SUCO: variants seen among roughly 807,000 people sequenced by gnomAD.
SUCO encodes SUN domain containing ossification factor, also known as SUN domain-containing ossification factor.
A neutral mutation model predicts 148.1 loss-of-function variants in SUCO; 57 were observed. The observed-to-expected ratio is 0.38, with a 90% CI of 0.31 to 0.48. SUCO has a LOEUF of 0.48. Among genes scored for constraint, SUCO ranks in the 20% least tolerant of loss-of-function variants. The pLI is 0.96. For missense variants in SUCO, 1,331 were observed against 1,468.2 expected (o/e 0.91, Z 1.53); for synonymous variants, 470 against 502.7 (o/e 0.93, Z 0.87).
At chr1:172,546,470 A>T (rs1019098588) in intron 1 of SUCO, among the ~76,000 whole-genome samples, 1 of 152,218 alleles carries the variant, frequency 6.6e-6, no homozygotes, top group Admixed American at 6.5e-5. Context: ...CTGATTAACT[A>T]CTTCATGATT....
intron 23 of SUCO, 26 bp from the exon 24 acceptor site, chr1:172,609,790 T>A (rs749778432): frequency 5.7e-6 from 9 of 1,571,928 alleles, no homozygotes; most frequent in Non-Finnish European, 7.7e-6. Flanking sequence ...GTATCATTAC[T>A]AACTTTTCTT....
chr1:172,610,389 C>T lies in SUCO; in HGVS notation c.*130C>T. ...AGGCATTCAGAAATTATGGTTTCTA[C>T]CTTTTTAAAAAGTAGATGGGATTGT... On this transcript the variant is annotated 3_prime_UTR_variant, in exon 24 of 24. Coordinates refer to ENST00000263688, the MANE Select transcript of SUCO (RefSeq NM_014283.5). The T allele has an allele frequency of 7.3e-7, 1 of 1,375,010 alleles. No homozygotes were observed. Among genetic ancestry groups the T allele is most frequent in the Non-Finnish European group, 9.5e-7 (1 of 1,050,426 alleles). The allele number at this position is 1,375,010 out of a possible 1,614,324, so 85.2% of individuals were successfully genotyped here. A position where few individuals can be genotyped will look rare whatever the true frequency, so the allele number is the denominator to read the frequency against.
At chr1:172,549,757 G>A (rs551176713) in intron 1 of SUCO, among the ~76,000 whole-genome samples, 3 of 151,824 alleles carry the variant, frequency 2.0e-5, no homozygotes, top group South Asian at 2.1e-4. Context: ...AATACTTAAC[G>A]ATTATTTTTT....
chr1:172,569,929 A>C (rs942834813), intron 7 of SUCO, 118 bp from the exon 8 acceptor site: 2 of 989,066 alleles, frequency 2.0e-6, no homozygotes, highest in Non-Finnish European at 2.6e-6. Flanking sequence ...TCAAGTGTTA[A>C]AACCTATTCT....
At chr1:172,551,893 T>G (rs1558176751) in intron 2 of SUCO, 1 of 240,232 alleles carries the variant, frequency 4.2e-6, no homozygotes, top group African/African-American at 2.3e-5. Flanking sequence ...TGAAAATGAG[T>G]GATTTGTTTT....
At chr1:172,535,755 C>G (rs1049460918) in intron 1 of SUCO, among the ~76,000 whole-genome samples, 2 of 152,130 alleles carry the variant, frequency 1.3e-5, no homozygotes, top group Non-Finnish European at 2.9e-5. Flanking sequence ...TGCTGTATGT[C>G]TGTTCTACAG....
rs777803148 is a variant in SUCO, at chr1:172,585,079, G to A, written c.1560G>A (p.Leu520=). ...ANILGAKTED[L]TEGNKSISEN... ...TTCTGGGAGCAAAAACTGAAGACCT[G>A]ACAGAAGGTACCTAATCATTTTATG... The change falls in exon 16 of 24, where the codon CTG becomes CTA. Residue 520 remains leucine (L), a synonymous_variant. Coordinates refer to ENST00000263688, the MANE Select transcript of SUCO (RefSeq NM_014283.5). 6.2e-7 allele frequency: 1 copy of A among 1,603,260 alleles called. No individual in the cohort carries two copies. Among genetic ancestry groups the A allele is most frequent in the Non-Finnish European group, 8.5e-7 (1 of 1,173,624 alleles).
intron 6 of SUCO, among the ~76,000 whole-genome samples, chr1:172,565,148 A>G (rs1339374692): frequency 6.6e-6 from 1 of 152,188 alleles, no homozygotes; most frequent in African/African-American, 2.4e-5. Flanking sequence ...TAAGTAATTT[A>G]CCTAGGAAAG....
At chr1:172,603,964 T>C (rs1657693041) in intron 22 of SUCO, among the ~76,000 whole-genome samples, 1 of 152,024 alleles carries the variant, frequency 6.6e-6, no homozygotes, top group Admixed American at 6.6e-5. Context: ...TGTGCATTTC[T>C]GTTGGGTATA....
intron 6 of SUCO, among the ~76,000 whole-genome samples, chr1:172,567,813 C>A (rs1415735922): frequency 6.6e-6 from 1 of 152,140 alleles, no homozygotes; most frequent in African/African-American, 2.4e-5. Flanking sequence ...CTTGGCTCAA[C>A]AGATATTTCA....
intron 19 of SUCO, among the ~76,000 whole-genome samples, chr1:172,591,536 T>G (rs905010502): frequency 7.9e-5 from 12 of 150,982 alleles, no homozygotes; most frequent in Non-Finnish European, 1.3e-4. Context: ...AGTGTTTGGT[T>G]TTCTGTCCTT....
In SUCO at chr1:172,610,995, A is replaced by G. The variant is rs1261464806; in HGVS notation, c.*736A>G. ...TGCAAACAACTGATATATGCAGACA[A>G]ATTTTTGACAAATTCACCTTTTAAA... is the stretch of plus-strand genomic sequence containing the variant. On this transcript the variant is annotated 3_prime_UTR_variant, in exon 24 of 24. Transcript: ENST00000263688. 1 of 152,588 alleles carries G rather than the reference A, an allele frequency of 6.6e-6. No homozygotes were observed. Among genetic ancestry groups the G allele is most frequent in the African/African-American group, 2.4e-5 (1 of 41,462 alleles). 9.5% of individuals were successfully genotyped at this position (152,588 alleles called of 1,614,324 possible). A position where few individuals can be genotyped will look rare whatever the true frequency, so the allele number is the denominator to read the frequency against.
chr1:172,560,341 T>G (rs188719104), intron 6 of SUCO, among the ~76,000 whole-genome samples: 2 of 152,248 alleles, frequency 1.3e-5, no homozygotes, highest in Non-Finnish European at 2.9e-5. Flanking sequence ...GGTAGTTTAC[T>G]CATAGATCTT....
chr1:172,566,694 G>A (rs957357148), intron 6 of SUCO, among the ~76,000 whole-genome samples: 2 of 152,332 alleles, frequency 1.3e-5, no homozygotes, highest in East Asian at 1.9e-4. Flanking sequence ...GGTGGTTTAC[G>A]CAGAAATTTC....
intron 16 of SUCO, 78 bp from the exon 17 acceptor site, chr1:172,585,780 G>T: frequency 9.8e-7 from 1 of 1,023,098 alleles, no homozygotes; most frequent in Non-Finnish European, 1.4e-6. Flanking sequence ...TCTCTTCCAA[G>T]AAATTTGTTT....
At chr1:172,594,743 T>C (rs1037620139) in intron 19 of SUCO, among the ~76,000 whole-genome samples, 17 of 152,188 alleles carry the variant, frequency 1.1e-4, no homozygotes, top group Non-Finnish European at 2.4e-4. Flanking sequence ...CCGAAAAGAA[T>C]GTATATTTTG....
At chr1:172,565,829 A>G (rs1337705956) in intron 6 of SUCO, among the ~76,000 whole-genome samples, 1 of 152,256 alleles carries the variant, frequency 6.6e-6, no homozygotes, top group Non-Finnish European at 1.5e-5. Flanking sequence ...AGAGGTGCTC[A>G]GGATGTGTTT....
chr1:172,561,000 G>A (rs1210046234), intron 6 of SUCO, among the ~76,000 whole-genome samples: 2 of 152,164 alleles, frequency 1.3e-5, no homozygotes, highest in African/African-American at 4.8e-5. Context: ...TCTGAAAGAG[G>A]GTGGCACCGC....
intron 9 of SUCO, among the ~76,000 whole-genome samples, chr1:172,572,240 G>C (rs1262274140): frequency 6.6e-6 from 1 of 150,842 alleles, no homozygotes; most frequent in South Asian, 2.1e-4. Flanking sequence ...TGACAATGGT[G>C]GTTTTGTGGA....
Sources: allele counts gnomAD v4.1 joint callset (sites outside exome capture counted in the v4.1 genomes callset), GRCh38; gene constraint gnomAD v4.1.1; transcripts MANE v1.5; gene names NCBI Gene and HGNC (gene_info 2026-07-23, HGNC 2026-07-21).